Variants in HSPD1 observed in about 807,000 individuals in gnomAD.
HSPD1 encodes the protein 60 kDa heat shock protein, mitochondrial.
In HSPD1, 3 loss-of-function variants were observed where a neutral mutation model predicts 53.0. The observed-to-expected ratio is 0.06, with a 90% confidence interval of 0.03 to 0.15. HSPD1 has a LOEUF of 0.15. HSPD1 is among the 10% of genes least tolerant of loss of function. HSPD1 has a pLI of 1.00. For missense variants in HSPD1, 431 were observed against 694.1 expected (o/e 0.62, Z 4.26); for synonymous variants, 200 against 228.0 (o/e 0.88, Z 1.10).
chr2:197,494,053 G>T (rs1395766210), intron 6 of HSPD1, 104 bp downstream of exon 6: 2 of 660,702 alleles, frequency 3.0e-6, no homozygotes, highest in East Asian at 5.7e-5. Context: ...AGTGAGCAAC[G>T]CGCCACCACA....
At position 197,486,973 on chromosome 2, in the gene HSPD1, G is replaced by C. The variant is rs1427698606; in HGVS notation, c.*73C>G. The C allele has an allele frequency of 2.8e-6, 3 of 1,065,772 alleles. No individual in the cohort carries two copies. Among genetic ancestry groups the C allele is most frequent in the Non-Finnish European group, 4.4e-6 (3 of 682,948 alleles). 66.0% of individuals were successfully genotyped at this position (1,065,772 alleles called of 1,614,324 possible). A position where few individuals can be genotyped will look rare whatever the true frequency, so the allele number is the denominator to read the frequency against. On this transcript the variant is annotated 3_prime_UTR_variant, in exon 12 of 12. Transcript: ENST00000388968. ...ATTTTCTCCAACTGACTTCTCTGAA[G>C]TTATTGGTGAGGAACACTGCCTTGG...
chr2:197,495,673 G>A (rs1055541012), intron 3 of HSPD1, among the ~76,000 whole-genome samples: 2 of 151,884 alleles, frequency 1.3e-5, no homozygotes, highest in African/African-American at 4.8e-5. Context: ...TGCCCAAGGT[G>A]GTCTTGAACT....
chr2:197,488,857 T>C (rs2086057723), intron 9 of HSPD1, 145 bp downstream of exon 9: 2 of 989,528 alleles, frequency 2.0e-6, no homozygotes, highest in Admixed American at 1.8e-5. Flanking sequence ...GACGAAGAGC[T>C]CAAAACAAAA....
chr2:197,493,972 TG>T (rs2086125041), intron 6 of HSPD1, among the ~76,000 whole-genome samples, 184 bp downstream of exon 6: 1 of 152,060 alleles, frequency 6.6e-6, no homozygotes. Context: ...CATGGTGGCG[TG>T]TGACTGTAAT....
At chr2:197,497,565 T>C (rs2086174316) in intron 2 of HSPD1, 173 bp from the exon 3 acceptor site, 1 of 656,900 alleles carries the variant, frequency 1.5e-6, no homozygotes, top group South Asian at 1.9e-5. Context: ...ATTCTTTGTC[T>C]ACAGACAAAA....
rs774482203 is a variant in HSPD1, at chr2:197,498,819, C to G, written c.30G>C (p.Gln10His). 1.1e-5 allele frequency: 17 copies of G among 1,614,218 alleles called. No individual in the cohort carries two copies. Among genetic ancestry groups the G allele is most frequent in the East Asian group, 8.9e-5 (4 of 44,888 alleles). The change falls in exon 2 of 12, where the codon CAG becomes CAC. Residue 10 changes from glutamine (Q) to histidine (H), a missense_variant. Gln to His is a conservative substitution (Grantham distance 24). Transcript: ENST00000388968. ...CCAGTACCCTGGACACCGGTCTCAT[C>G]TGGCGAAAGACTGTGGGTAACCGAA... MLRLPTVFR[Q>H]MRPVSRVLAP...
intron 8 of HSPD1, 107 bp downstream of exon 8, chr2:197,490,090 A>G (rs1225021466): frequency 1.1e-6 from 1 of 902,232 alleles, no homozygotes; most frequent in East Asian, 2.5e-5. Flanking sequence ...CCAAAGAGCC[A>G]AAAGAAACAG....
At chr2:197,489,950 C>CA (rs928835892) in intron 8 of HSPD1, among the ~76,000 whole-genome samples, 27 of 150,328 alleles carry the variant, frequency 1.8e-4, no homozygotes, top group East Asian at 3.9e-4. Context: ...ACACTGTCTC[C>CA]AAAAAAAACA....
At chr2:197,490,110 G>A (rs1235464840) in intron 8 of HSPD1, 87 bp downstream of exon 8, 2 of 962,794 alleles carry the variant, frequency 2.1e-6, no homozygotes, top group African/African-American at 3.2e-5. Flanking sequence ...GATAGTTGTA[G>A]TATCTAATTG....
intron 3 of HSPD1, 40 bp from the exon 4 acceptor site, chr2:197,495,416 T>C: frequency 5.0e-6 from 6 of 1,211,462 alleles, no homozygotes; most frequent in Non-Finnish European, 7.4e-6. Context: ...TTTATTTCTC[T>C]CATGGCTTCT....
intron 8 of HSPD1, among the ~76,000 whole-genome samples, 153 bp downstream of exon 8, chr2:197,490,044 G>A (rs2086072104): frequency 6.6e-6 from 1 of 152,118 alleles, no homozygotes; most frequent in Non-Finnish European, 1.5e-5. Flanking sequence ...CCAGACTTGT[G>A]GCAAATTAAC....
At chr2:197,498,919 C>G in intron 1 of HSPD1, 69 bp from the exon 2 acceptor site, 25 of 1,390,652 alleles carry the variant, frequency 1.8e-5, no homozygotes, top group Non-Finnish European at 2.5e-5. Context: ...ACATGCCCAC[C>G]TGTGCAACAG....
At position 197,487,992 on chromosome 2, in the gene HSPD1, T is replaced by C. The variant is rs1202391302; in HGVS notation, c.1435A>G (p.Ile479Val). 2 of 1,612,572 alleles carry C rather than the reference T, an allele frequency of 1.2e-6. No homozygotes were observed. Among genetic ancestry groups the C allele is most frequent in the Non-Finnish European group, 1.7e-6 (2 of 1,178,880 alleles). The change falls in exon 11 of 12, where the codon ATT becomes GTT. Residue 479 changes from isoleucine (I) to valine (V), a missense_variant. By Grantham distance (29) the Ile-to-Val change is conservative. Transcript: ENST00000388968. ...CCTTCAACACCTGCATTCTTAGCAATGGTCATTGCTGGAATTTTGAGTGTT... is the reference window on the plus strand; with the variant it reads ...CCTTCAACACCTGCATTCTTAGCAACGGTCATTGCTGGAATTTTGAGTGTT... ...KRTLKIPAMT[I>V]AKNAGVEGSL...
chr2:197,497,175 A>G lies in HSPD1; in HGVS notation c.392T>C (p.Ile131Thr), dbSNP rs1209346314. The G allele has an allele frequency of 1.2e-6, 2 of 1,614,050 alleles. No individual in the cohort carries two copies. The highest frequency in any genetic ancestry group is 1.3e-5 in the African/African-American group (1 of 74,928). The part of the protein sequence containing the change: ...RSIAKEGFEK[I>T]SKGANPVEIR... Reference sequence around the variant, plus strand: ...TTCCACTGGATTAGCACCTTTGCTAATCTTCTCGAAGCCTTCCTTGGCTAT... The same window carrying G: ...TTCCACTGGATTAGCACCTTTGCTAGTCTTCTCGAAGCCTTCCTTGGCTAT... Residue 131 changes from isoleucine (I) to threonine (T), a missense_variant, in exon 3 of 12, where the codon ATT (isoleucine) becomes ACT (threonine). By Grantham distance (89) the Ile-to-Thr change is moderately conservative. This residue lies in a region of HSPD1 where 386 missense variants were observed against 657.6 expected (regional missense o/e 0.59). Transcript: ENST00000388968.
rs1257832805 is a variant in HSPD1 at position 197,498,561 on chromosome 2, C to T, written c.174+114G>A. Reference sequence around the variant, plus strand: ...ATACTTCAGAATTCTTACATGTAAACTGAGTTCTCTCAAAAATGGAGATGA... The same window carrying T: ...ATACTTCAGAATTCTTACATGTAAATTGAGTTCTCTCAAAAATGGAGATGA... On this transcript the variant is annotated intron_variant, in intron 2 of 11. Coordinates refer to ENST00000388968, the MANE Select transcript of HSPD1 (RefSeq NM_002156.5). 6 of 954,694 alleles carry T rather than the reference C, an allele frequency of 6.3e-6. No individual in the cohort carries two copies. In the Admixed American group the frequency reaches 1.0e-4, roughly 16 times the overall value. 59.1% of individuals were successfully genotyped at this position (954,694 alleles called of 1,614,324 possible).
chr2:197,492,225 T>C (rs183330116), intron 7 of HSPD1, among the ~76,000 whole-genome samples: 59 of 152,316 alleles, frequency 3.9e-4, no homozygotes, highest in Admixed American at 1.0e-3. Context: ...GAGTCTCGCT[T>C]TGTTGCCCAG....
intron 1 of HSPD1, 44 bp from the exon 2 acceptor site, chr2:197,498,894 T>TA: frequency 6.4e-7 from 1 of 1,573,276 alleles, no homozygotes; most frequent in Non-Finnish European, 8.7e-7. Context: ...CCACCCGTGG[T>TA]GCGCTGCAGA....
chr2:197,498,623 G>T, intron 2 of HSPD1, 52 bp downstream of exon 2: 2 of 1,495,852 alleles, frequency 1.3e-6, no homozygotes, highest in Non-Finnish European at 1.9e-6. Context: ...CTATTTGTGA[G>T]TAAAATGCTA....
At chr2:197,496,264 A>T (rs2086155913) in intron 3 of HSPD1, among the ~76,000 whole-genome samples, 1 of 152,222 alleles carries the variant, frequency 6.6e-6, no homozygotes, top group Non-Finnish European at 1.5e-5. Flanking sequence ...TTCAAAAAAA[A>T]TCCAATGCAA....
Sources: allele counts gnomAD v4.1 joint callset (sites outside exome capture counted in the v4.1 genomes callset), GRCh38; gene constraint gnomAD v4.1.1; regional missense constraint gnomAD v4.1.1; transcripts MANE v1.5; gene names NCBI Gene and HGNC (gene_info 2026-07-23, HGNC 2026-07-21).